CASP8: variants seen among roughly 807,000 people sequenced by gnomAD.
CASP8 encodes caspase 8.
Under a neutral mutation model 46.3 loss-of-function variants are expected in CASP8, and 24 were observed. The ratio of observed to expected loss-of-function variants is 0.52; its 90% CI spans 0.38 to 0.73. The LOEUF is 0.73. Among genes scored for constraint, CASP8 ranks in the 30% least tolerant of loss-of-function variants. The probability of loss-of-function intolerance (pLI) is 0.00; values close to 1 mark genes in which losing one functional copy is unlikely to be tolerated. For synonymous variants in CASP8, 188 were observed against 200.4 expected (o/e 0.94, Z 0.52); for missense variants, 460 against 559.0 (o/e 0.82, Z 1.79).
In CASP8 at chr2:201,271,503, T is replaced by A; in HGVS notation, c.306-13T>A. On this transcript the variant is annotated splice_polypyrimidine_tract_variant and intron_variant, in intron 2 of 8. Coordinates refer to ENST00000673742, the MANE Select transcript of CASP8 (RefSeq NM_001372051.1). ...GGAAAAGATTTCTAAAGTGTCTCCA[T>A]TTCCCACCACAGGGTCATGCTCTAT... 4.7e-6 allele frequency: 7 copies of A among 1,491,958 alleles called. No individual in the cohort carries two copies. The highest frequency in any genetic ancestry group is 6.6e-6 in the Non-Finnish European group (7 of 1,068,524). 92.4% of individuals were successfully genotyped at this position (1,491,958 alleles called of 1,614,324 possible).
At chr2:201,238,897 A>G (rs1946172053) in intron 2 of CASP8, among the ~76,000 whole-genome samples, 1 of 152,006 alleles carries the variant, frequency 6.6e-6, no homozygotes, top group Admixed American at 6.6e-5. Flanking sequence ...TGGTTTTCCT[A>G]GGCAGAGGAC....
At chr2:201,247,190 C>CAAAAAAAA (rs71022356) in intron 2 of CASP8, among the ~76,000 whole-genome samples, 2 of 81,424 alleles carry the variant, frequency 2.5e-5, no homozygotes, top group African/African-American at 1.0e-4. Flanking sequence ...CTGTCTGTCT[C>CAAAAAAAA]AAAAAAAAAA....
intron 2 of CASP8, among the ~76,000 whole-genome samples, chr2:201,238,452 T>G (rs1028315518): frequency 1.3e-5 from 2 of 152,114 alleles, no homozygotes; most frequent in African/African-American, 4.8e-5. Flanking sequence ...CTTTCTTTTT[T>G]TTTTCTTGAG....
In CASP8 at chr2:201,266,466, A is replaced by C; in HGVS notation, c.-21A>C. 1 of 1,609,994 alleles carries C rather than the reference A, an allele frequency of 6.2e-7. No individual in the cohort carries two copies. The highest frequency in any genetic ancestry group is 8.5e-7 in the Non-Finnish European group (1 of 1,176,250). On this transcript the variant is annotated 5_prime_UTR_variant, in exon 2 of 9. Transcript: ENST00000673742. The surrounding 1 kb of genome is among the most constrained non-coding windows in gnomAD (Gnocchi z 5.7). Reference sequence around the variant, plus strand: ...TACCATTTATTTTGACTTAGATTATATTCTCCTGCCTTTTAAAAAGATGGA... The same window carrying C: ...TACCATTTATTTTGACTTAGATTATCTTCTCCTGCCTTTTAAAAAGATGGA...
intron 2 of CASP8, among the ~76,000 whole-genome samples, chr2:201,250,123 C>A (rs906191263): frequency 1.3e-5 from 2 of 152,126 alleles, no homozygotes; most frequent in African/African-American, 4.8e-5. Flanking sequence ...CTGGCAGAAG[C>A]TTATCAAGGC....
At chr2:201,279,687 G>C (rs183458745) in intron 7 of CASP8, among the ~76,000 whole-genome samples, 133 of 152,244 alleles carry the variant, frequency 8.7e-4, no homozygotes, top group Admixed American at 2.6e-3. Flanking sequence ...AGCTTGGTAC[G>C]GTGGCGTGAA....
intron 2 of CASP8, among the ~76,000 whole-genome samples, chr2:201,235,148 A>G (rs1341609673): frequency 6.6e-6 from 1 of 152,178 alleles, no homozygotes; most frequent in Non-Finnish European, 1.5e-5. Flanking sequence ...AAAATCTTAC[A>G]CTATGACTGT....
At chr2:201,244,832 G>A (rs541981231) in intron 2 of CASP8, among the ~76,000 whole-genome samples, 1 of 152,192 alleles carries the variant, frequency 6.6e-6, no homozygotes, top group Non-Finnish European at 1.5e-5. Context: ...GGGGGCCCTT[G>A]TAGGGTTCCC....
chr2:201,276,724 G>A, intron 6 of CASP8, 103 bp from the exon 7 acceptor site: 1 of 1,452,470 alleles, frequency 6.9e-7, no homozygotes, highest in Non-Finnish European at 9.6e-7. Context: ...CCGAGTTGGG[G>A]TGGTGCAATG....
At chr2:201,275,833 C>T (rs1026086116) in intron 6 of CASP8, among the ~76,000 whole-genome samples, 4 of 152,128 alleles carry the variant, frequency 2.6e-5, no homozygotes, top group Non-Finnish European at 4.4e-5. Context: ...GCCTTGGCCT[C>T]CCAAAGTCTG....
upstream of CASP8, among the ~76,000 whole-genome samples, chr2:201,260,030 G>A (rs1947280586): frequency 6.8e-6 from 1 of 146,960 alleles, no homozygotes; most frequent in Non-Finnish European, 1.5e-5. Context: ...GGTGGAATCT[G>A]GTGACCTTGG....
chr2:201,233,819 G>T (rs1452465706), intron 1 of CASP8, among the ~76,000 whole-genome samples: 1 of 152,196 alleles, frequency 6.6e-6, no homozygotes, highest in Non-Finnish European at 1.5e-5. Context: ...CACCTCTCCG[G>T]ACTGCTTTCC....
chr2:201,247,932 CTG>C (rs1946611720), intron 2 of CASP8, among the ~76,000 whole-genome samples: 1 of 152,192 alleles, frequency 6.6e-6, no homozygotes, highest in Non-Finnish European at 1.5e-5. Flanking sequence ...GCGTGAGCCA[CTG>C]CGCCCGGCCA....
chr2:201,266,478 T>A lies in CASP8; in HGVS notation c.-9T>A, dbSNP rs1221161130. 7.4e-6 allele frequency: 12 copies of A among 1,613,016 alleles called. No homozygotes were observed. Among genetic ancestry groups the A allele is most frequent in the Non-Finnish European group, 1.7e-6 (2 of 1,179,100 alleles). ...TGACTTAGATTATATTCTCCTGCCT[T>A]TTAAAAAGATGGACTTCAGCAGAAA... On this transcript the variant is annotated 5_prime_UTR_variant, in exon 2 of 9. Transcript: ENST00000673742. This position sits in a 1 kb window ranked among gnomAD's most constrained non-coding sequence, Gnocchi z 5.7.
intron 2 of CASP8, among the ~76,000 whole-genome samples, chr2:201,239,501 G>A (rs112186757): frequency 0.015 from 2,206 of 152,062 alleles, 64 homozygotes; most frequent in African/African-American, 0.05. Context: ...TGTTTTTTTT[G>A]GTTGTTGTTG....
rs1948540633 is a variant in CASP8, at chr2:201,275,052, G to A, written c.660+99G>A. ...TTTTGCTGCCAGATAAACTGACAAGGGGCAGAAACTTACTGAAAATTTTGA... is the reference window on the plus strand; with the variant it reads ...TTTTGCTGCCAGATAAACTGACAAGAGGCAGAAACTTACTGAAAATTTTGA... On this transcript the variant is annotated intron_variant, in intron 6 of 8. Coordinates refer to ENST00000673742, the MANE Select transcript of CASP8 (RefSeq NM_001372051.1). 3 of 860,526 alleles carry A rather than the reference G, an allele frequency of 3.5e-6. No individual in the cohort carries two copies. The Admixed American group carries it at 7.7e-5, about 22-fold the overall frequency. 53.3% of individuals were successfully genotyped at this position (860,526 alleles called of 1,614,324 possible). A position where few individuals can be genotyped will look rare whatever the true frequency, so the allele number is the denominator to read the frequency against.
chr2:201,262,047 A>T (rs1309582601), intron 1 of CASP8: 1 of 152,112 alleles, frequency 6.6e-6, no homozygotes, highest in African/African-American at 2.4e-5. Context: ...TTATTATAAA[A>T]TTTTTTGAAA....
chr2:201,286,678 T>G lies in CASP8; in HGVS notation c.*84T>G, dbSNP rs1469013735. On this transcript the variant is annotated 3_prime_UTR_variant, in exon 9 of 9. Coordinates refer to ENST00000673742, the MANE Select transcript of CASP8 (RefSeq NM_001372051.1). ...TCGCCCAGGCTGGAGTGCAGTGGCG[T>G]GATCTCGGCTCACCGCAAGCTCCGC... 2 of 1,192,794 alleles carry G rather than the reference T, an allele frequency of 1.7e-6. No homozygotes were observed. The highest frequency in any genetic ancestry group is 2.0e-5 in the Admixed American group (1 of 51,140). 73.9% of individuals were successfully genotyped at this position (1,192,794 alleles called of 1,614,324 possible).
rs1053490483 is a variant in CASP8, at chr2:201,284,816, G to T, written c.803G>T (p.Gly268Val). ...TGACTGTTCAAATTTCACTTTTCAG[G>T]GGCTTTGACCACGACCTTTGAAGAG... ...RDRNGTHLDAGALTTTFEELH... is the reference protein window; with the variant it reads ...RDRNGTHLDAVALTTTFEELH... The change falls in exon 8 of 9, where the codon GGG becomes GTG. Residue 268 changes from glycine to valine, a missense_variant and splice_region_variant. Coordinates refer to ENST00000673742, the MANE Select transcript of CASP8 (RefSeq NM_001372051.1). 3 of 1,608,938 alleles carry T rather than the reference G, an allele frequency of 1.9e-6. No homozygotes were observed. The highest frequency in any genetic ancestry group is 1.4e-5 in the African/African-American group (1 of 72,912).
Sources: allele counts gnomAD v4.1 joint callset (sites outside exome capture counted in the v4.1 genomes callset), GRCh38; gene constraint gnomAD v4.1.1; non-coding constraint Gnocchi (gnomAD v3.1); transcripts MANE v1.5; gene names NCBI Gene and HGNC (gene_info 2026-07-23, HGNC 2026-07-21).